Variants in PGS1 observed in about 807,000 individuals in gnomAD.
The protein encoded by PGS1 is CDP-diacylglycerol--glycerol-3-phosphate 3-phosphatidyltransferase, mitochondrial.
A neutral mutation model predicts 58.3 loss-of-function variants in PGS1; 44 were observed. The observed-to-expected ratio is 0.75, with a 90% CI of 0.59 to 0.97. The LOEUF (loss-of-function observed/expected upper bound fraction) is 0.97. Among genes scored for constraint, PGS1 ranks in the 50% least tolerant of loss-of-function variants. PGS1 has a pLI of 0.00. For synonymous variants in PGS1, 330 were observed against 311.0 expected (o/e 1.06, Z -0.64); for missense variants, 684 against 731.1 (o/e 0.94, Z 0.74).
In PGS1 at chr17:78,400,561, C is replaced by T; in HGVS notation, c.702-116C>T. ...TTGCTGAGTAGCTATTTGTTAACTG[C>T]ATCTTGACCTGAGTTTGTCACCCCC... On this transcript the variant is annotated intron_variant, in intron 5 of 9. Coordinates refer to ENST00000262764, the MANE Select transcript of PGS1 (RefSeq NM_024419.5). The surrounding 1 kb of genome is among the most constrained non-coding windows in gnomAD (Gnocchi z 4.4). 1 of 789,756 alleles carries T rather than the reference C, an allele frequency of 1.3e-6. No individual in the cohort carries two copies. The allele number at this position is 789,756 out of a possible 1,614,324, so 48.9% of individuals were successfully genotyped here. A position where few individuals can be genotyped will look rare whatever the true frequency, so the allele number is the denominator to read the frequency against.
intron 3 of PGS1, among the ~76,000 whole-genome samples, chr17:78,396,653 C>T (rs2083249022): frequency 6.6e-6 from 1 of 152,260 alleles, no homozygotes; most frequent in Non-Finnish European, 1.5e-5. Flanking sequence ...CACAGGGCCC[C>T]AGGCAGCTCT....
At chr17:78,422,848 C>T (rs1002866940) in intron 9 of PGS1, among the ~76,000 whole-genome samples, 13 of 152,200 alleles carry the variant, frequency 8.5e-5, no homozygotes, top group Admixed American at 5.9e-4. Context: ...GTAATCCTGG[C>T]GCTTTGGGAG....
intron 1 of PGS1, among the ~76,000 whole-genome samples, chr17:78,383,745 A>G (rs1353150304): frequency 6.6e-6 from 1 of 152,238 alleles, no homozygotes; most frequent in Non-Finnish European, 1.5e-5. Context: ...AGTTTTGCCA[A>G]ATAATTCAGA....
intron 7 of PGS1, among the ~76,000 whole-genome samples, chr17:78,412,276 A>G (rs888453370): frequency 1.3e-5 from 2 of 151,956 alleles, no homozygotes; most frequent in Non-Finnish European, 2.9e-5. Flanking sequence ...TTTCTGATGG[A>G]GAAAGATTGC....
chr17:78,404,101 C>G lies in PGS1; in HGVS notation c.1402+12C>G. 2 of 1,515,580 alleles carry G rather than the reference C, an allele frequency of 1.3e-6. No individual in the cohort carries two copies. The highest frequency in any genetic ancestry group is 1.2e-5 in the South Asian group (1 of 80,544). 93.9% of individuals were successfully genotyped at this position (1,515,580 alleles called of 1,614,324 possible). A position where few individuals can be genotyped will look rare whatever the true frequency, so the allele number is the denominator to read the frequency against. On this transcript the variant is annotated intron_variant, in intron 7 of 9. Coordinates refer to ENST00000262764, the MANE Select transcript of PGS1 (RefSeq NM_024419.5). ...GTTCCACGCCAAAGGTGCGCAGCGG[C>G]TGGCTGGAGGACGTTCCAGTGTGGG...
At chr17:78,404,301 T>TTTG (rs1379804843) in intron 7 of PGS1, among the ~76,000 whole-genome samples, 14 of 99,174 alleles carry the variant, frequency 1.4e-4, no homozygotes, top group African/African-American at 5.3e-4. Flanking sequence ...TTTTTTTTTT[T>TTTG]GTGACAGTCT....
chr17:78,399,322 G>A (rs779750703), intron 4 of PGS1, 26 bp from the exon 5 acceptor site: 3 of 1,593,396 alleles, frequency 1.9e-6, no homozygotes, highest in Non-Finnish European at 8.6e-7. Context: ...TGTGAGTCAG[G>A]TGCCGTTTTC....
At chr17:78,413,524 C>T (rs1228538679) in intron 7 of PGS1, among the ~76,000 whole-genome samples, 5 of 152,168 alleles carry the variant, frequency 3.3e-5, no homozygotes, top group African/African-American at 7.2e-5. Context: ...CACAGCCACT[C>T]GCTCTTGCTC....
intron 1 of PGS1, among the ~76,000 whole-genome samples, chr17:78,379,352 A>G (rs1203639209): frequency 6.6e-6 from 1 of 152,170 alleles, no homozygotes; most frequent in Non-Finnish European, 1.5e-5. Flanking sequence ...AGGCATGGGA[A>G]GAGGAGCCAC....
rs1024185128 is a variant in PGS1, at chr17:78,412,512, A to G, written c.1403-2367A>G. ...GGTTGTGCGTATGATGAAGTTGTGC[A>G]CTGGAGGTGGCCTGTCTGCCTCAGC... On this transcript the variant is annotated intron_variant, in intron 7 of 9. Coordinates refer to ENST00000262764, the MANE Select transcript of PGS1 (RefSeq NM_024419.5). 1.1e-4 allele frequency among the ~76,000 whole-genome samples: 17 copies of G among 152,338 alleles called. No homozygotes were observed. The East Asian group carries it at 2.9e-3, about 26-fold the overall frequency.
chr17:78,399,906 G>T, intron 5 of PGS1: 1 of 288,074 alleles, frequency 3.5e-6, no homozygotes, highest in South Asian at 3.6e-5. Flanking sequence ...AGTCAGACCT[G>T]GAAGTCCAGG....
chr17:78,388,698 C>G (rs1266777326), intron 1 of PGS1, among the ~76,000 whole-genome samples: 1 of 152,070 alleles, frequency 6.6e-6, no homozygotes, highest in Non-Finnish European at 1.5e-5. Flanking sequence ...ACCCTCCCCT[C>G]TGAGTTCCTT....
chr17:78,422,142 G>C (rs2085860597), intron 9 of PGS1, among the ~76,000 whole-genome samples: 1 of 152,214 alleles, frequency 6.6e-6, no homozygotes, highest in African/African-American at 2.4e-5. Flanking sequence ...ACCAGGGACT[G>C]AAGTGAGTTG....
intron 1 of PGS1, among the ~76,000 whole-genome samples, chr17:78,388,011 G>T: frequency 6.6e-6 from 1 of 152,116 alleles, no homozygotes; most frequent in Non-Finnish European, 1.5e-5. Context: ...CCTTTTTTGG[G>T]TATTTAAAAT....
chr17:78,396,047 ATTCT>A (rs2083207728), intron 2 of PGS1, among the ~76,000 whole-genome samples: 1 of 152,206 alleles, frequency 6.6e-6, no homozygotes, highest in Non-Finnish European at 1.5e-5. Flanking sequence ...GCCTGCCTTC[ATTCT>A]TCTTAATGGC....
chr17:78,394,618 C>T (rs551704062), intron 2 of PGS1, among the ~76,000 whole-genome samples: 228 of 151,512 alleles, frequency 1.5e-3, no homozygotes, highest in Non-Finnish European at 2.8e-3. Context: ...TGCAATGGCA[C>T]GATCTCGGCT....
rs372563335 is a variant in PGS1 at position 78,387,363 on chromosome 17, G to A, written c.144-5113G>A. Among the ~76,000 whole-genome samples the A allele has an allele frequency of 1.4e-3, 213 of 149,130 alleles. 2 individuals are homozygous for A. The highest frequency in any genetic ancestry group is 4.8e-3 in the African/African-American group (195 of 40,234). The stretch of plus-strand genomic sequence containing the variant: ...TGCCCAGGCTGGTGCACAGTGGCGC[G>A]ATCTGGGCTCACTGCAACCTCCGCC... On this transcript the variant is annotated intron_variant, in intron 1 of 9. Transcript: ENST00000262764.
At position 78,385,724 on chromosome 17, in the gene PGS1, C is replaced by CG. The variant is rs571836909; in HGVS notation, c.144-6749dup. Among the ~76,000 whole-genome samples, 13 of 152,348 alleles carry CG rather than the reference C, an allele frequency of 8.5e-5. No homozygotes were observed. The South Asian group carries it at 2.1e-3, about 24-fold the overall frequency. On this transcript the variant is annotated intron_variant, in intron 1 of 9. Coordinates refer to ENST00000262764, the MANE Select transcript of PGS1 (RefSeq NM_024419.5). ...GCCGTGAGCCACTGTGCCCGGCCCC[C>CG]GGGTTTCTTTTGTAAACAGGTGTGT...
At chr17:78,423,820 C>CTGTAAAGAATAAGTCACAGGTGCACAGGT in intron 9 of PGS1, 1 of 1,518,174 alleles carries the variant, frequency 6.6e-7, no homozygotes, top group Non-Finnish European at 9.0e-7. Context: ...CCACCAGTTC[C>CTGTAAAGAATAAGTCACAGGTGCACAGGT]TGTAAAGAAT....
Sources: gnomAD v4.1 joint callset for allele counts (sites outside exome capture counted in the v4.1 genomes callset) on GRCh38, gnomAD v4.1.1 for gene constraint, Gnocchi (gnomAD v3.1) non-coding constraint, MANE v1.5 for transcripts, NCBI Gene and HGNC (gene_info 2026-07-23, HGNC 2026-07-21) for gene names.